PCDHGA1: variants seen among roughly 807,000 people sequenced by gnomAD.
The protein encoded by PCDHGA1 is protocadherin gamma-A1.
PCDHGA1 carries 32 observed loss-of-function variants against 58.0 expected under a neutral mutation model. The ratio of observed to expected loss-of-function variants is 0.55; its 90% CI spans 0.42 to 0.74. The LOEUF is 0.74. Ranked by LOEUF, PCDHGA1 falls within the 30% of genes least tolerant of loss-of-function variation. The probability of loss-of-function intolerance (pLI) is 0.00; values close to 1 mark genes in which losing one functional copy is unlikely to be tolerated. For missense variants in PCDHGA1, 1,205 were observed against 1,182.3 expected, an observed-to-expected ratio of 1.02 and a Z score of -0.28; for synonymous variants, 498 against 501.1, an observed-to-expected ratio of 0.99 and a Z score of 0.08.
chr5:141,501,304 C>T (rs1005430489), intron 2 of PCDHGA1, among the ~76,000 whole-genome samples: 104 of 151,340 alleles, frequency 6.9e-4, no homozygotes, highest in African/African-American at 2.2e-3. Flanking sequence ...CACACACACA[C>T]ACACACACAC....
chr5:141,354,426 C>A (rs1759540645), intron 1 of PCDHGA1, among the ~76,000 whole-genome samples: 2 of 152,236 alleles, frequency 1.3e-5, no homozygotes, highest in African/African-American at 4.8e-5. Context: ...GGAGCAAATT[C>A]TCTTCCCAAA....
chr5:141,361,388 A>T, intron 1 of PCDHGA1: 1 of 1,614,000 alleles, frequency 6.2e-7, no homozygotes, highest in Non-Finnish European at 8.5e-7. Flanking sequence ...ATCCCAGAAT[A>T]CAATCTCACC....
chr5:141,408,071 T>C, intron 1 of PCDHGA1: 4 of 1,384,774 alleles, frequency 2.9e-6, no homozygotes, highest in Non-Finnish European at 2.9e-6. Context: ...GCGCAGACCT[T>C]TCCCAGCACA....
intron 1 of PCDHGA1, chr5:141,375,357 C>A: frequency 6.2e-7 from 1 of 1,613,858 alleles, no homozygotes; most frequent in Non-Finnish European, 8.5e-7. Context: ...GTGACAGCCA[C>A]GGACAAAGGA....
intron 2 of PCDHGA1, among the ~76,000 whole-genome samples, chr5:141,498,956 AGAGG>A (rs1198207839): frequency 1.1e-4 from 14 of 124,162 alleles, no homozygotes; most frequent in East Asian, 2.7e-4. Context: ...AAAAAGAGAG[AGAGG>A]GAGGGAGGGA....
chr5:141,430,583 C>A, intron 1 of PCDHGA1: 1 of 490,378 alleles, frequency 2.0e-6, no homozygotes, highest in Non-Finnish European at 3.4e-6. Flanking sequence ...AGATCCTGCT[C>A]GCCTTGCACG....
chr5:141,449,389 T>C (rs577860793), intron 1 of PCDHGA1, among the ~76,000 whole-genome samples: 5 of 151,964 alleles, frequency 3.3e-5, no homozygotes, highest in African/African-American at 1.2e-4. Flanking sequence ...GGTGGATTAC[T>C]TGAGGCCAGG....
chr5:141,374,437 C>A (rs549456032), intron 1 of PCDHGA1: 1 of 1,613,846 alleles, frequency 6.2e-7, no homozygotes, highest in South Asian at 1.1e-5. Flanking sequence ...ATCTTTATCC[C>A]GTGGAAGTGG....
intron 1 of PCDHGA1, chr5:141,408,402 G>A: frequency 1.2e-6 from 2 of 1,614,052 alleles, no homozygotes; most frequent in Non-Finnish European, 1.7e-6. Context: ...CGCAAGCTGC[G>A]AGTGAGCGCG....
intron 1 of PCDHGA1, chr5:141,398,904 C>A (rs1487711986): frequency 3.1e-6 from 5 of 1,613,930 alleles, no homozygotes; most frequent in Non-Finnish European, 3.4e-6. Context: ...CACCAGGCAC[C>A]ACTGTGTTGC....
At chr5:141,427,617 G>A (rs1295636754) in intron 1 of PCDHGA1, 3 of 694,694 alleles carry the variant, frequency 4.3e-6, no homozygotes, top group Admixed American at 2.0e-5. Flanking sequence ...TGAAGTCAAC[G>A]ACAATGCTCC....
At position 141,489,635 on chromosome 5, in the gene PCDHGA1, G is replaced by A. The variant is rs1380466520; in HGVS notation, c.2422-5172G>A. On this transcript the variant is annotated intron_variant, in intron 1 of 3. Coordinates refer to ENST00000517417, the MANE Select transcript of PCDHGA1 (RefSeq NM_018912.3). The surrounding 1 kb of genome is among the most constrained non-coding windows in gnomAD (Gnocchi z 4.5). Reference sequence around the variant, plus strand: ...CTGGATCTCAATGACAACTCTCCTAGCTTTGCCACCCCTGAGCGAGAGATG... The same window carrying A: ...CTGGATCTCAATGACAACTCTCCTAACTTTGCCACCCCTGAGCGAGAGATG... 6.2e-7 allele frequency: 1 copy of A among 1,614,142 alleles called. No individual in the cohort carries two copies. The highest frequency in any genetic ancestry group is 8.5e-7 in the Non-Finnish European group (1 of 1,180,012).
intron 1 of PCDHGA1, among the ~76,000 whole-genome samples, chr5:141,460,888 C>T (rs530320189): frequency 1.3e-5 from 2 of 149,792 alleles, no homozygotes; most frequent in East Asian, 2.0e-4. Context: ...CATGCCTTTT[C>T]GTGGCTGAGT....
chr5:141,504,956 G>A (rs1327603937), intron 2 of PCDHGA1, among the ~76,000 whole-genome samples: 1 of 152,096 alleles, frequency 6.6e-6, no homozygotes, highest in Non-Finnish European at 1.5e-5. Context: ...TATGTTCAAT[G>A]CATTGGACCA....
At chr5:141,369,272 AT>A (rs1346533698) in intron 1 of PCDHGA1, among the ~76,000 whole-genome samples, 2 of 152,200 alleles carry the variant, frequency 1.3e-5, no homozygotes, top group Non-Finnish European at 2.9e-5. Flanking sequence ...AGGACTTACA[AT>A]TCACTCCCCA....
At chr5:141,354,052 T>C (rs1759458533) in intron 1 of PCDHGA1, among the ~76,000 whole-genome samples, 1 of 152,240 alleles carries the variant, frequency 6.6e-6, no homozygotes, top group Non-Finnish European at 1.5e-5. Flanking sequence ...CATGCAATGA[T>C]AATCCATGTT....
At chr5:141,434,693 T>C (rs2097710124) in intron 1 of PCDHGA1, among the ~76,000 whole-genome samples, 1 of 152,034 alleles carries the variant, frequency 6.6e-6, no homozygotes, top group Non-Finnish European at 1.5e-5. Context: ...TTGCTGTTAA[T>C]AAATATGTGG....
intron 1 of PCDHGA1, chr5:141,415,455 G>T: frequency 6.2e-7 from 1 of 1,614,186 alleles, no homozygotes; most frequent in Non-Finnish European, 8.5e-7. Context: ...ATTCCCACGA[G>T]GTCTCTCTCA....
intron 1 of PCDHGA1, chr5:141,393,233 A>T (rs756421828): frequency 2.7e-5 from 44 of 1,613,664 alleles, no homozygotes; most frequent in Non-Finnish European, 3.4e-5. Context: ...ATCTAGAAGT[A>T]AAAATTAACG....
Sources: gnomAD v4.1 joint callset for allele counts (sites outside exome capture counted in the v4.1 genomes callset) on GRCh38, gnomAD v4.1.1 for gene constraint, Gnocchi (gnomAD v3.1) non-coding constraint, MANE v1.5 for transcripts, NCBI Gene and HGNC (gene_info 2026-07-23, HGNC 2026-07-21) for gene names.